HAPLN1: variants seen among roughly 807,000 people sequenced by gnomAD.
HAPLN1 encodes the protein hyaluronan and proteoglycan link protein 1, also known as Cartilage link protein.
Under a neutral mutation model 36.5 loss-of-function variants are expected in HAPLN1, and 13 were observed. The observed-to-expected ratio is 0.36, with a 90% confidence interval of 0.23 to 0.57. The LOEUF (loss-of-function observed/expected upper bound fraction) is 0.57. Ranked by LOEUF, HAPLN1 falls within the 20% of genes least tolerant of loss-of-function variation. The pLI is 0.83. For synonymous variants in HAPLN1, 202 were observed against 169.8 expected (o/e 1.19, Z -1.48); for missense variants, 407 against 439.7 (o/e 0.93, Z 0.66).
intron 1 of HAPLN1, among the ~76,000 whole-genome samples, chr5:83,676,443 A>G (rs1438122168): frequency 2.6e-5 from 4 of 152,176 alleles, no homozygotes; most frequent in Non-Finnish European, 5.9e-5. Flanking sequence ...ACCAGTAGAC[A>G]TGAAACTAGA....
rs546650340 is a variant in HAPLN1 at position 83,661,593 on chromosome 5, T to C, written c.101-8769A>G. Reference sequence around the variant, plus strand: ...CCAAGTAGCTGGGACTACAGGCGTCTGCCACCCCGCCCGGCTAATTTTTTG... The same window carrying C: ...CCAAGTAGCTGGGACTACAGGCGTCCGCCACCCCGCCCGGCTAATTTTTTG... On this transcript the variant is annotated intron_variant, in intron 2 of 4. Transcript: ENST00000274341. Among the ~76,000 whole-genome samples, 439 of 152,014 alleles carry C rather than the reference T, an allele frequency of 2.9e-3. 3 individuals carry two copies. Among genetic ancestry groups the C allele is most frequent in the African/African-American group, 9.8e-3 (408 of 41,460 alleles).
chr5:83,646,346 G>T (rs1749876970), intron 3 of HAPLN1, among the ~76,000 whole-genome samples: 1 of 152,220 alleles, frequency 6.6e-6, no homozygotes, highest in Admixed American at 6.5e-5. Context: ...AATTTGGTGA[G>T]TTATAGCACA....
intron 2 of HAPLN1, among the ~76,000 whole-genome samples, chr5:83,662,268 TA>T (rs1205270125): frequency 6.6e-6 from 1 of 152,212 alleles, no homozygotes; most frequent in Non-Finnish European, 1.5e-5. Flanking sequence ...ATGAACTTTT[TA>T]TGAGAAATAC....
intron 2 of HAPLN1, among the ~76,000 whole-genome samples, chr5:83,653,424 G>A (rs937367551): frequency 7.2e-5 from 11 of 152,146 alleles, no homozygotes; most frequent in Non-Finnish European, 1.3e-4. Flanking sequence ...CAGGAAATAT[G>A]TATTTTGTTT....
At chr5:83,675,803 A>G (rs542077140) in intron 1 of HAPLN1, among the ~76,000 whole-genome samples, 2 of 152,310 alleles carry the variant, frequency 1.3e-5, no homozygotes, top group East Asian at 1.9e-4. Context: ...GCAATGGCTC[A>G]TGGATTCCTT....
chr5:83,681,115 A>C (rs1187626666), intron 1 of HAPLN1, among the ~76,000 whole-genome samples: 2 of 152,228 alleles, frequency 1.3e-5, no homozygotes. Context: ...ATTGTATTAA[A>C]TAATATAAAA....
intron 3 of HAPLN1, among the ~76,000 whole-genome samples, chr5:83,648,422 T>TATATATATATATAC (rs1749944387): frequency 2.3e-5 from 3 of 131,794 alleles, no homozygotes; most frequent in South Asian, 2.4e-4. Flanking sequence ...TATATATATA[T>TATATATATATATAC]ATATATATAT....
chr5:83,667,834 T>G (rs1750596698), intron 2 of HAPLN1, among the ~76,000 whole-genome samples: 1 of 152,206 alleles, frequency 6.6e-6, no homozygotes, highest in Non-Finnish European at 1.5e-5. Flanking sequence ...AATCCAATAC[T>G]CTTCAAAGAT....
Position 83,656,525 on chromosome 5 carries a change from G to C in HAPLN1, c.101-3701C>G, listed in dbSNP as rs139790048. On this transcript the variant is annotated intron_variant, in intron 2 of 4. Coordinates refer to ENST00000274341, the MANE Select transcript of HAPLN1 (RefSeq NM_001884.4). ...CCTTTTCCTTTCAGTGTGAAAAGGT[G>C]CACATAAACACTTGCATAGTGTTGA... Among the ~76,000 whole-genome samples the C allele has an allele frequency of 2.4e-3, 361 of 151,950 alleles. 1 individual carries two copies. Among genetic ancestry groups the C allele is most frequent in the African/African-American group, 8.5e-3 (350 of 41,390 alleles).
intron 1 of HAPLN1, among the ~76,000 whole-genome samples, chr5:83,714,918 C>A (rs1282872932): frequency 6.6e-6 from 1 of 152,210 alleles, no homozygotes; most frequent in East Asian, 1.9e-4. Flanking sequence ...ATGTTGGATG[C>A]CCCTTGGGGC....
intron 1 of HAPLN1, among the ~76,000 whole-genome samples, chr5:83,720,407 T>C (rs1457586108): frequency 1.3e-5 from 2 of 152,194 alleles, no homozygotes; most frequent in African/African-American, 2.4e-5. Context: ...TTCCCATTCC[T>C]CACCTTTCCC....
chr5:83,698,703 C>G (rs1157532395), intron 1 of HAPLN1, among the ~76,000 whole-genome samples: 1 of 152,028 alleles, frequency 6.6e-6, no homozygotes, highest in Non-Finnish European at 1.5e-5. Context: ...CAAATATTGT[C>G]AAAAATTCTA....
chr5:83,644,304 T>G (rs1201991266), intron 4 of HAPLN1, 59 bp downstream of exon 4: 4 of 1,204,268 alleles, frequency 3.3e-6, no homozygotes, highest in Non-Finnish European at 4.4e-6. Context: ...CCAAGTGTAG[T>G]GTTATAGTAT....
chr5:83,639,434 T>C lies in HAPLN1; in HGVS notation c.*2062A>G, dbSNP rs770577709. 2 of 152,092 alleles carry C rather than the reference T, an allele frequency of 1.3e-5. No homozygotes were observed. The highest frequency in any genetic ancestry group is 2.4e-5 in the African/African-American group (1 of 41,460). 9.4% of individuals were successfully genotyped at this position (152,092 alleles called of 1,614,324 possible). ...TACATTTAACATTATAAAGTAGAGT[T>C]CTGGACATAACTGAAAATTAGATGT... is the stretch of plus-strand genomic sequence containing the variant. On this transcript the variant is annotated 3_prime_UTR_variant, in exon 5 of 5. Coordinates refer to ENST00000274341, the MANE Select transcript of HAPLN1 (RefSeq NM_001884.4).
At chr5:83,665,848 C>T (rs1750536669) in intron 2 of HAPLN1, among the ~76,000 whole-genome samples, 1 of 152,196 alleles carries the variant, frequency 6.6e-6, no homozygotes, top group Non-Finnish European at 1.5e-5. Context: ...TGACTAGTCA[C>T]TGACTAACAG....
chr5:83,673,706 G>A (rs921011593), intron 1 of HAPLN1, 157 bp from the exon 2 acceptor site: 8 of 551,738 alleles, frequency 1.4e-5, no homozygotes, highest in South Asian at 2.4e-5. Context: ...TTTAAGAGCC[G>A]AAGACGGCAG....
At chr5:83,685,835 G>A (rs541116157) in intron 1 of HAPLN1, 3 of 152,104 alleles carry the variant, frequency 2.0e-5, no homozygotes, top group Admixed American at 6.6e-5. Context: ...CTCTCTTGTC[G>A]GTGCCTCAAT....
chr5:83,683,989 G>A lies in HAPLN1; in HGVS notation c.-26-10440C>T, dbSNP rs185630434. Among the ~76,000 whole-genome samples, 25 of 152,212 alleles carry A rather than the reference G, an allele frequency of 1.6e-4. No individual in the cohort carries two copies. In the East Asian group the frequency reaches 4.3e-3, roughly 26 times the overall value. ...AAACAAAGAGGGAGAAGCAGACTGC[G>A]GGGAGGAGGAGGGGGCAGAAGGAGG... On this transcript the variant is annotated intron_variant, in intron 1 of 4. Transcript: ENST00000274341.
At chr5:83,680,300 A>T (rs961558958) in intron 1 of HAPLN1, among the ~76,000 whole-genome samples, 9 of 146,566 alleles carry the variant, frequency 6.1e-5, no homozygotes, top group Non-Finnish European at 1.3e-4. Context: ...GAGCAAAAGC[A>T]CATGTCATAT....
Sources: allele counts gnomAD v4.1 joint callset (sites outside exome capture counted in the v4.1 genomes callset), GRCh38; gene constraint gnomAD v4.1.1; transcripts MANE v1.5; gene names NCBI Gene and HGNC (gene_info 2026-07-23, HGNC 2026-07-21).